VPS37A: variants seen among roughly 807,000 people sequenced by gnomAD.
VPS37A encodes the protein VPS37A subunit of ESCRT-I, also known as vacuolar protein sorting-associated protein 37A.
VPS37A carries 30 observed loss-of-function variants against 49.8 expected under a neutral mutation model. The observed-to-expected ratio is 0.60, with a 90% CI of 0.45 to 0.82. The LOEUF is 0.82. VPS37A is among the 40% of genes least tolerant of loss of function. The probability of loss-of-function intolerance (pLI) is 0.00; values close to 1 mark genes in which losing one functional copy is unlikely to be tolerated. For synonymous variants in VPS37A, 195 were observed against 160.6 expected (o/e 1.21, Z -1.62); for missense variants, 593 against 464.4 (o/e 1.28, Z -2.55).
At chr8:17,266,438 A>G (rs570735230) in intron 2 of VPS37A, among the ~76,000 whole-genome samples, 2 of 152,368 alleles carry the variant, frequency 1.3e-5, no homozygotes, top group African/African-American at 4.8e-5. Context: ...AAGAAAAACA[A>G]AAAAGTTAAA....
the VPS37A span, among the ~76,000 whole-genome samples, chr8:17,314,335 C>G: frequency 6.6e-6 from 1 of 152,136 alleles, no homozygotes; most frequent in South Asian, 2.1e-4. Flanking sequence ...GAAAAGGGAG[C>G]CCATTTTTCT....
At chr8:17,318,664 T>C in the VPS37A span, among the ~76,000 whole-genome samples, 2 of 152,176 alleles carry the variant, frequency 1.3e-5, no homozygotes, top group African/African-American at 4.8e-5. Flanking sequence ...TCTGGATGGT[T>C]CCAGGTTAGG....
At chr8:17,313,963 T>C in the VPS37A span, among the ~76,000 whole-genome samples, 4 of 152,180 alleles carry the variant, frequency 2.6e-5, no homozygotes, top group Non-Finnish European at 4.4e-5. Flanking sequence ...AAATAACACA[T>C]ATGCCTCTGA....
At chr8:17,320,159 G>A in the VPS37A span, among the ~76,000 whole-genome samples, 25 of 151,922 alleles carry the variant, frequency 1.6e-4, no homozygotes, top group Admixed American at 3.3e-4. Flanking sequence ...TAACATATGA[G>A]ATTTTCTTTT....
At chr8:17,313,362 C>G in the VPS37A span, 1 of 1,612,504 alleles carries the variant, frequency 6.2e-7, no homozygotes, top group Non-Finnish European at 8.5e-7. Context: ...CTCCAGACCC[C>G]ACAGGAAATC....
At chr8:17,283,803 A>C (rs921122395) in intron 9 of VPS37A, among the ~76,000 whole-genome samples, 3 of 152,140 alleles carry the variant, frequency 2.0e-5, no homozygotes, top group African/African-American at 7.2e-5. Context: ...TGTTTTGGCT[A>C]TTTGGGGTCT....
At chr8:17,305,632 A>C, downstream of VPS37A, 1 of 720,068 alleles carries the variant, frequency 1.4e-6, no homozygotes, top group South Asian at 2.0e-5. Flanking sequence ...AAATAAAACT[A>C]ATCTGTCAGT....
intron 1 of VPS37A, among the ~76,000 whole-genome samples, chr8:17,261,537 G>A (rs1812962921): frequency 6.6e-6 from 1 of 152,178 alleles, no homozygotes; most frequent in Non-Finnish European, 1.5e-5. Context: ...GCGGATGTGC[G>A]TCTATGTCTT....
Position 17,268,320 on chromosome 8 carries a change from A to G in VPS37A, c.263A>G (p.His88Arg), listed in dbSNP as rs1345353968. ...ATCAGTGTTTATCCACCAATACGAC[A>G]TCACTTAATGGATAAACAAGGAGTG... is the stretch of plus-strand genomic sequence containing the variant. ...PVISVYPPIR[H>R]HLMDKQGVYV... The change falls in exon 3 of 12, where the codon CAT (histidine) becomes CGT (arginine). Residue 88 changes from histidine to arginine, a missense_variant. By Grantham distance (29) the His-to-Arg change is conservative (BLOSUM62 0). Transcript: ENST00000324849. The G allele has an allele frequency of 1.9e-6, 3 of 1,613,394 alleles. No individual in the cohort carries two copies. Among genetic ancestry groups the G allele is most frequent in the Non-Finnish European group, 2.5e-6 (3 of 1,179,788 alleles).
In VPS37A at chr8:17,294,041, G is replaced by A. The variant is rs537230999; in HGVS notation, c.*1-946G>A. Among the ~76,000 whole-genome samples the A allele has an allele frequency of 4.9e-4, 75 of 152,342 alleles. 1 individual carries two copies. The highest frequency in any genetic ancestry group is 1.7e-3 in the African/African-American group (72 of 41,582). On this transcript the variant is annotated intron_variant, in intron 11 of 11. Transcript: ENST00000324849. Reference sequence around the variant, plus strand: ...GGCAGGAACGTTTAAGTGTGTGCAAGCTGCGCCCACAGCCACCCCTTCCCC... The same window carrying A: ...GGCAGGAACGTTTAAGTGTGTGCAAACTGCGCCCACAGCCACCCCTTCCCC...
intron 4 of VPS37A, among the ~76,000 whole-genome samples, chr8:17,273,952 C>A (rs1814257678): frequency 1.3e-5 from 2 of 152,096 alleles, no homozygotes; most frequent in Admixed American, 1.3e-4. Flanking sequence ...TTATCCTTTA[C>A]ACTAGAGTGC....
chr8:17,247,825 G>C, intron 1 of VPS37A: 1 of 697,452 alleles, frequency 1.4e-6, no homozygotes, highest in South Asian at 1.5e-5. Context: ...GGAAGCCAGA[G>C]TTTTCATCAG....
At chr8:17,289,722 T>G (rs1309728567) in intron 11 of VPS37A, among the ~76,000 whole-genome samples, 1 of 152,234 alleles carries the variant, frequency 6.6e-6, no homozygotes, top group Admixed American at 6.5e-5. Flanking sequence ...TTAAAGTATT[T>G]TTTCTAATTC....
the VPS37A span, among the ~76,000 whole-genome samples, chr8:17,320,071 G>A: frequency 1.3e-5 from 2 of 152,090 alleles, no homozygotes; most frequent in Admixed American, 1.3e-4. Flanking sequence ...TACTGATAAT[G>A]TTGAAATAAC....
At chr8:17,273,607 C>A (rs1586006094) in intron 4 of VPS37A, among the ~76,000 whole-genome samples, 1 of 152,134 alleles carries the variant, frequency 6.6e-6, no homozygotes, top group Non-Finnish European at 1.5e-5. Context: ...ACCTCATGAT[C>A]CACCTGCCTC....
intron 1 of VPS37A, among the ~76,000 whole-genome samples, chr8:17,252,073 C>T (rs1812032611): frequency 6.6e-6 from 1 of 152,154 alleles, no homozygotes; most frequent in African/African-American, 2.4e-5. Context: ...ATGTGTATGT[C>T]TGTGTTTCAA....
chr8:17,250,595 T>G (rs1417156728), intron 1 of VPS37A, among the ~76,000 whole-genome samples: 2 of 152,202 alleles, frequency 1.3e-5, no homozygotes, highest in African/African-American at 4.8e-5. Flanking sequence ...TCTGCTCTAC[T>G]GAGTAACCTT....
intron 1 of VPS37A, among the ~76,000 whole-genome samples, chr8:17,249,686 G>A (rs369496923): frequency 6.6e-6 from 1 of 152,080 alleles, no homozygotes; most frequent in Non-Finnish European, 1.5e-5. Context: ...CTGTCTGTAT[G>A]GTATCTGATG....
At chr8:17,258,906 T>C (rs138502380) in intron 1 of VPS37A, among the ~76,000 whole-genome samples, 2 of 152,216 alleles carry the variant, frequency 1.3e-5, no homozygotes, top group Non-Finnish European at 2.9e-5. Flanking sequence ...ATATAATTCA[T>C]AGTGGTGCCT....
Sources: gnomAD v4.1 joint callset for allele counts (sites outside exome capture counted in the v4.1 genomes callset) on GRCh38, gnomAD v4.1.1 for gene constraint, MANE v1.5 for transcripts, NCBI Gene and HGNC (gene_info 2026-07-23, HGNC 2026-07-21) for gene names.